The following MTCL2 variants were observed in gnomAD, a reference collection of about 807,000 sequenced individuals.
MTCL2 encodes the protein microtubule cross-linking factor 2.
the MTCL2 span, among the ~76,000 whole-genome samples, chr20:36,835,854 C>A: frequency 2.6e-5 from 4 of 152,182 alleles, no homozygotes; most frequent in East Asian, 5.8e-4. Flanking sequence ...CCCGCCTCCC[C>A]GCCGCCGCCG....
chr20:36,796,807 C>T, the MTCL2 span: 22 of 1,446,310 alleles, frequency 1.5e-5, no homozygotes, highest in African/African-American at 1.1e-4. Context: ...GGGTGCAGGG[C>T]GCAGCAGGAG....
the MTCL2 span, among the ~76,000 whole-genome samples, chr20:36,807,479 A>C: frequency 6.6e-6 from 1 of 152,152 alleles, no homozygotes; most frequent in African/African-American, 2.4e-5. Flanking sequence ...AACTAAGATG[A>C]GTGTGACCAA....
chr20:36,790,754 A>G, the MTCL2 span, among the ~76,000 whole-genome samples: 2 of 142,576 alleles, frequency 1.4e-5, no homozygotes, highest in Non-Finnish European at 3.0e-5. Flanking sequence ...TTTTTTTTTT[A>G]ATGTAGAGAT....
At chr20:36,815,278 G>T in the MTCL2 span, 6 of 1,614,008 alleles carry the variant, frequency 3.7e-6, no homozygotes, top group Non-Finnish European at 5.1e-6. The surrounding 1 kb of genome is among the most constrained non-coding windows in gnomAD (Gnocchi z 5.3). Flanking sequence ...TTCAGCTCCT[G>T]CTGCAGCACG....
the MTCL2 span, chr20:36,817,396 C>T: frequency 1.3e-6 from 2 of 1,573,388 alleles, no homozygotes; most frequent in Non-Finnish European, 1.7e-6. Context: ...ACGGGGGCTG[C>T]TGGGAATTAC....
chr20:36,815,884 C>T, the MTCL2 span: 6 of 1,609,438 alleles, frequency 3.7e-6, no homozygotes, highest in East Asian at 2.2e-5. The surrounding 1 kb of genome is among the most constrained non-coding windows in gnomAD (Gnocchi z 5.3). Flanking sequence ...GCCTCCTCTT[C>T]GACAAACTGC....
chr20:36,841,753 C>A, the MTCL2 span, among the ~76,000 whole-genome samples: 3 of 152,086 alleles, frequency 2.0e-5, no homozygotes, highest in African/African-American at 7.2e-5. Flanking sequence ...GGCTGGAGTG[C>A]GGTGGCAAAA....
At chr20:36,784,120 C>G in the MTCL2 span, 1 of 985,700 alleles carries the variant, frequency 1.0e-6, no homozygotes, top group African/African-American at 1.7e-5. Flanking sequence ...AGGCTGAGTA[C>G]GCAGCCTCCC....
the MTCL2 span, among the ~76,000 whole-genome samples, chr20:36,847,730 T>C: frequency 1.3e-5 from 2 of 151,946 alleles, no homozygotes; most frequent in East Asian, 1.9e-4. Context: ...GCTGTACACC[T>C]GTAGCCTCAG....
the MTCL2 span, chr20:36,805,778 G>T: frequency 1.6e-6 from 2 of 1,269,736 alleles, no homozygotes; most frequent in Non-Finnish European, 2.2e-6. Context: ...GTCAGAGAAA[G>T]CAGTAGGAAT....
the MTCL2 span, chr20:36,828,841 G>A: frequency 1.9e-6 from 1 of 532,600 alleles, no homozygotes; most frequent in Admixed American, 3.7e-5. Flanking sequence ...GGTGTGTTTT[G>A]TTCACCATTG....
chr20:36,793,718 C>T, the MTCL2 span: 2 of 1,545,248 alleles, frequency 1.3e-6, no homozygotes, highest in African/African-American at 1.4e-5. The surrounding 1 kb of genome is among the most constrained non-coding windows in gnomAD (Gnocchi z 6.8). Context: ...GCGGTCCTTG[C>T]TGCTGTCCAG....
At chr20:36,846,123 T>C in the MTCL2 span, among the ~76,000 whole-genome samples, 11 of 151,848 alleles carry the variant, frequency 7.2e-5, no homozygotes, top group African/African-American at 2.7e-4. Context: ...AGAGAATTGC[T>C]TGAATTTGGG....
the MTCL2 span, among the ~76,000 whole-genome samples, chr20:36,821,442 C>G: frequency 5.8e-4 from 88 of 152,162 alleles, no homozygotes; most frequent in African/African-American, 2.1e-3. Flanking sequence ...GCAGGAGGAT[C>G]ACTTGAACCC....
chr20:36,826,681 T>C, the MTCL2 span, among the ~76,000 whole-genome samples: 1 of 151,900 alleles, frequency 6.6e-6, no homozygotes, highest in African/African-American at 2.4e-5. Context: ...CCCAGCCTCA[T>C]TCCTTCTTAA....
chr20:36,852,814 T>G, the MTCL2 span, among the ~76,000 whole-genome samples: 1 of 152,062 alleles, frequency 6.6e-6, no homozygotes, highest in Non-Finnish European at 1.5e-5. Flanking sequence ...CCCAGCACTT[T>G]GGGAGGCTGA....
At chr20:36,810,366 C>G in the MTCL2 span, among the ~76,000 whole-genome samples, 1 of 152,120 alleles carries the variant, frequency 6.6e-6, no homozygotes, top group Non-Finnish European at 1.5e-5. Context: ...TAATAAGGTA[C>G]TGGGAAAACT....
chr20:36,848,814 G>T, the MTCL2 span, among the ~76,000 whole-genome samples: 1 of 151,938 alleles, frequency 6.6e-6, no homozygotes, highest in Non-Finnish European at 1.5e-5. Flanking sequence ...CTTCTATTCT[G>T]GGCCTATGAA....
chr20:36,846,577 A>G, the MTCL2 span, among the ~76,000 whole-genome samples: 3 of 152,280 alleles, frequency 2.0e-5, no homozygotes, highest in East Asian at 3.9e-4. Flanking sequence ...ACGGCTTTCT[A>G]TCTCTTCCAC....
Sources: allele counts gnomAD v4.1 joint callset (sites outside exome capture counted in the v4.1 genomes callset), GRCh38; gene constraint gnomAD v4.1.1; non-coding constraint Gnocchi (gnomAD v3.1); transcripts MANE v1.5; gene names NCBI Gene and HGNC (gene_info 2026-07-23, HGNC 2026-07-21).